The following BCAS3 variants were observed in gnomAD, a reference collection of about 807,000 sequenced individuals.
The protein encoded by BCAS3 is BCAS3 microtubule associated cell migration factor.
A neutral mutation model predicts 116.1 loss-of-function variants in BCAS3; 53 were observed. The ratio of observed to expected loss-of-function variants is 0.46; its 90% CI spans 0.37 to 0.57. The LOEUF is 0.57. Ranked by LOEUF, BCAS3 falls within the 20% of genes least tolerant of loss-of-function variation. BCAS3 has a pLI of 0.00. For missense variants in BCAS3, 917 were observed against 1,165.4 expected (o/e 0.79, Z 3.10); for synonymous variants, 391 against 408.2 (o/e 0.96, Z 0.51).
At chr17:60,800,982 A>G (rs1234739419) in intron 6 of BCAS3, among the ~76,000 whole-genome samples, 1 of 152,056 alleles carries the variant, frequency 6.6e-6, no homozygotes, top group Non-Finnish European at 1.5e-5. Flanking sequence ...TAACTCCTGA[A>G]ATATGATAGA....
chr17:60,824,470 G>A (rs1439797308), intron 7 of BCAS3, among the ~76,000 whole-genome samples: 2 of 151,850 alleles, frequency 1.3e-5, no homozygotes, highest in Non-Finnish European at 2.9e-5. Context: ...ACATGTTCTC[G>A]TCTCCTTCCT....
Position 61,076,956 on chromosome 17 carries a change from G to A in BCAS3, c.2131-1377G>A, listed in dbSNP as rs2072056715. On this transcript the variant is annotated intron_variant, in intron 20 of 23. Coordinates refer to ENST00000407086, the MANE Select transcript of BCAS3 (RefSeq NM_017679.5). The stretch of plus-strand genomic sequence containing the variant: ...ACACTCTGTGAACCTTTTCAGTTAT[G>A]TTTTGTTAAGAATTAATCACCACAA... 5.3e-5 allele frequency among the ~76,000 whole-genome samples: 8 copies of A among 152,166 alleles called. No homozygotes were observed. The South Asian group carries it at 1.5e-3, about 28-fold the overall frequency.
chr17:60,684,873 A>T (rs2033787796), intron 3 of BCAS3, among the ~76,000 whole-genome samples: 1 of 152,180 alleles, frequency 6.6e-6, no homozygotes, highest in Non-Finnish European at 1.5e-5. Context: ...TTATGAGAGG[A>T]TCCTAGAAAA....
At chr17:60,838,299 A>T (rs751339048) in intron 7 of BCAS3, among the ~76,000 whole-genome samples, 7 of 152,236 alleles carry the variant, frequency 4.6e-5, no homozygotes, top group African/African-American at 7.2e-5. Context: ...CATTTGATGT[A>T]ATGAAATAGC....
chr17:61,256,555 G>A lies in BCAS3; in HGVS notation c.2426-111772G>A, dbSNP rs1781134027. Among the ~76,000 whole-genome samples the A allele has an allele frequency of 1.3e-5, 2 of 151,934 alleles. No individual in the cohort carries two copies. The highest frequency in any genetic ancestry group is 1.3e-4 in the Admixed American group (2 of 15,246). On this transcript the variant is annotated intron_variant, in intron 22 of 23. Coordinates refer to ENST00000407086, the MANE Select transcript of BCAS3 (RefSeq NM_017679.5). This position sits in a 1 kb window ranked among gnomAD's most constrained non-coding sequence, Gnocchi z 5.6. Reference sequence around the variant, plus strand: ...CTGGCCTCAAGTGATCCACCCACCTGGGCCTCCCAAAGTGCTGGGATTACA... The same window carrying A: ...CTGGCCTCAAGTGATCCACCCACCTAGGCCTCCCAAAGTGCTGGGATTACA...
At chr17:61,271,423 G>GGTTTTTTTTTTTTTTT (rs1428434597) in intron 22 of BCAS3, among the ~76,000 whole-genome samples, 2 of 6,098 alleles carry the variant, frequency 3.3e-4, no homozygotes, top group Admixed American at 1.8e-3. Context: ...ACCATGCCCG[G>GGTTTTTTTTTTTTTTT]ATTTTTTTTT....
chr17:60,867,477 C>T (rs2144882383), intron 7 of BCAS3, among the ~76,000 whole-genome samples: 1 of 152,048 alleles, frequency 6.6e-6, no homozygotes, highest in Admixed American at 6.6e-5. Context: ...TAGATTTGTT[C>T]CAAGATAGTC....
In BCAS3 at chr17:61,034,968, C is replaced by T. The variant is rs954448035; in HGVS notation, c.1762+178C>T. Among the ~76,000 whole-genome samples, 2 of 152,142 alleles carry T rather than the reference C, an allele frequency of 1.3e-5. No homozygotes were observed. The highest frequency in any genetic ancestry group is 4.8e-5 in the African/African-American group (2 of 41,414). On this transcript the variant is annotated intron_variant, in intron 17 of 23. Transcript: ENST00000407086. This position sits in a 1 kb window ranked among gnomAD's most constrained non-coding sequence, Gnocchi z 5.0. ...CCTAGTCAAGAAGAAAAACTATCCTCTCAGTATGAACGTTAATGAATTGCC... is the reference window on the plus strand; with the variant it reads ...CCTAGTCAAGAAGAAAAACTATCCTTTCAGTATGAACGTTAATGAATTGCC...
intron 9 of BCAS3, among the ~76,000 whole-genome samples, chr17:60,880,985 T>TTGTC (rs1475624670): frequency 1.8e-4 from 28 of 152,114 alleles, no homozygotes; most frequent in African/African-American, 6.0e-4. Flanking sequence ...GTTTGTTTGT[T>TTGTC]TGTTTTTGAG....
chr17:60,909,408 A>AT (rs941024515), intron 11 of BCAS3, among the ~76,000 whole-genome samples: 19 of 151,512 alleles, frequency 1.3e-4, no homozygotes, highest in East Asian at 3.9e-4. Context: ...TTAGGTAAGG[A>AT]TTTTTTTTTC....
rs147721695 is a variant in BCAS3 at position 61,185,457 on chromosome 17, A to G, written c.2425+100893A>G. Among the ~76,000 whole-genome samples the G allele has an allele frequency of 5.2e-3, 785 of 152,252 alleles. 5 individuals are homozygous for G. The highest frequency in any genetic ancestry group is 0.018 in the African/African-American group (749 of 41,572). ...TTTAAATACTTACCCATATTCTACT[A>G]TATTGTCTTCCATGACCATACCGTG... On this transcript the variant is annotated intron_variant, in intron 22 of 23. Coordinates refer to ENST00000407086, the MANE Select transcript of BCAS3 (RefSeq NM_017679.5).
At position 61,023,975 on chromosome 17, in the gene BCAS3, G is replaced by A. The variant is rs902018809; in HGVS notation, c.1637+8074G>A. On this transcript the variant is annotated intron_variant, in intron 16 of 23. Coordinates refer to ENST00000407086, the MANE Select transcript of BCAS3 (RefSeq NM_017679.5). This position sits in a 1 kb window ranked among gnomAD's most constrained non-coding sequence, Gnocchi z 4.8. ...GAATATAGTAATTTGGGTTGCCTCT[G>A]TTAATACAGAGAATATTTCATTCAG... is the stretch of plus-strand genomic sequence containing the variant. 6.6e-6 allele frequency among the ~76,000 whole-genome samples: 1 copy of A among 152,096 alleles called. No individual in the cohort carries two copies. The highest frequency in any genetic ancestry group is 2.4e-5 in the African/African-American group (1 of 41,426).
intron 7 of BCAS3, among the ~76,000 whole-genome samples, chr17:60,825,752 T>C: frequency 6.6e-6 from 1 of 151,640 alleles, no homozygotes; most frequent in Non-Finnish European, 1.5e-5. Context: ...CTGCAACCTC[T>C]TTTGTAAGGT....
intron 22 of BCAS3, among the ~76,000 whole-genome samples, chr17:61,197,049 C>G (rs1235519556): frequency 6.6e-6 from 1 of 152,196 alleles, no homozygotes; most frequent in Non-Finnish European, 1.5e-5. Flanking sequence ...TATTGCACAT[C>G]TAATATATCC....
intron 13 of BCAS3, among the ~76,000 whole-genome samples, chr17:60,944,099 C>G (rs2060360355): frequency 6.6e-6 from 1 of 151,322 alleles, no homozygotes; most frequent in Admixed American, 6.6e-5. Flanking sequence ...GCAAATGAAC[C>G]CAAAACAAGG....
intron 7 of BCAS3, among the ~76,000 whole-genome samples, chr17:60,825,857 G>GT (rs770293138): frequency 0.018 from 2,375 of 130,022 alleles, 47 homozygotes; most frequent in Admixed American, 0.036. Flanking sequence ...TGGGGATTCA[G>GT]TTTTTTTTTT....
At chr17:60,854,886 C>G (rs1430781770) in intron 7 of BCAS3, among the ~76,000 whole-genome samples, 1 of 150,688 alleles carries the variant, frequency 6.6e-6, no homozygotes, top group African/African-American at 2.4e-5. Context: ...AATGGATTAA[C>G]AAACTGTGGT....
At chr17:60,784,391 C>T (rs925390029) in intron 6 of BCAS3, among the ~76,000 whole-genome samples, 13 of 150,882 alleles carry the variant, frequency 8.6e-5, no homozygotes, top group Non-Finnish European at 1.9e-4. Flanking sequence ...CTCCACCTCC[C>T]AGGTTCATGC....
intron 22 of BCAS3, among the ~76,000 whole-genome samples, chr17:61,155,499 A>C (rs1489265711): frequency 6.6e-6 from 1 of 151,592 alleles, no homozygotes. Context: ...GGTAGCAAAA[A>C]AAAAAAAAAA....
Sources: allele counts gnomAD v4.1 joint callset (sites outside exome capture counted in the v4.1 genomes callset), GRCh38; gene constraint gnomAD v4.1.1; non-coding constraint Gnocchi (gnomAD v3.1); transcripts MANE v1.5; gene names NCBI Gene and HGNC (gene_info 2026-07-23, HGNC 2026-07-21).